Variants in C5orf24 observed in about 807,000 individuals in gnomAD.
C5orf24 encodes chromosome 5 open reading frame 24, also known as UPF0461 protein C5orf24.
C5orf24 carries 4 observed loss-of-function variants against 9.8 expected under a neutral mutation model. The observed-to-expected ratio is 0.41, with a 90% CI of 0.20 to 0.93. The LOEUF (loss-of-function observed/expected upper bound fraction) is 0.93, where lower values mean the gene tolerates loss of function less well. Ranked by LOEUF, C5orf24 falls within the 40% of genes least tolerant of loss-of-function variation. The probability of loss-of-function intolerance (pLI) is 0.33; values close to 1 mark genes in which losing one functional copy is unlikely to be tolerated. For missense variants in C5orf24, 170 were observed against 236.9 expected (o/e 0.72, Z 1.85); for synonymous variants, 73 against 81.3 (o/e 0.90, Z 0.55).
At chr5:134,846,443 G>A (rs1003602050) in intron 1 of C5orf24, 2 of 152,352 alleles carry the variant, frequency 1.3e-5, no homozygotes, top group Non-Finnish European at 2.9e-5. Context: ...TCTTTGAGAG[G>A]TCAGAATCCG....
At chr5:134,839,253 C>A in the C5orf24 span, among the ~76,000 whole-genome samples, 1 of 151,986 alleles carries the variant, frequency 6.6e-6, no homozygotes, top group African/African-American at 2.4e-5. Flanking sequence ...ATCAGACCCA[C>A]CATTCTTGTT....
intron 1 of C5orf24, among the ~76,000 whole-genome samples, chr5:134,848,399 G>A (rs1447737156): frequency 4.6e-5 from 7 of 151,956 alleles, no homozygotes; most frequent in African/African-American, 1.7e-4. Context: ...GCTCACGCCT[G>A]TAATCCCGGC....
the C5orf24 span, among the ~76,000 whole-genome samples, chr5:134,840,048 C>T: frequency 1.3e-5 from 2 of 151,808 alleles, no homozygotes; most frequent in Admixed American, 1.3e-4. Flanking sequence ...GTGGCTCACT[C>T]CTGTAATCCC....
chr5:134,853,683 C>T (rs1756229420), intron 1 of C5orf24, among the ~76,000 whole-genome samples: 2 of 151,942 alleles, frequency 1.3e-5, no homozygotes. Context: ...TTTAATAAGT[C>T]ACAGGGCTTG....
the C5orf24 span, among the ~76,000 whole-genome samples, chr5:134,836,104 A>G: frequency 1.3e-5 from 2 of 150,184 alleles, no homozygotes; most frequent in Non-Finnish European, 3.0e-5. Context: ...AAAATAACTT[A>G]GTGAGAAGCC....
chr5:134,856,200 T>C lies in C5orf24; in HGVS notation c.*733T>C. The C allele has an allele frequency of 3.0e-6, 3 of 994,910 alleles. No individual in the cohort carries two copies. The highest frequency in any genetic ancestry group is 3.6e-6 in the Non-Finnish European group (3 of 825,096). The allele number at this position is 994,910 out of a possible 1,614,324, so 61.6% of individuals were successfully genotyped here. On this transcript the variant is annotated 3_prime_UTR_variant, in exon 2 of 2. Coordinates refer to ENST00000394976, the MANE Select transcript of C5orf24 (RefSeq NM_001135586.1). ...TATTTACAGAAAATTTAAACTATTT[T>C]ATAAAAACTGCACATTACATTTTTG... is the stretch of plus-strand genomic sequence containing the variant.
At chr5:134,848,284 C>G (rs1327635594) in intron 1 of C5orf24, among the ~76,000 whole-genome samples, 1 of 151,968 alleles carries the variant, frequency 6.6e-6, no homozygotes, top group Non-Finnish European at 1.5e-5. Flanking sequence ...GTTCTCCAGC[C>G]TGGGCGACAG....
At chr5:134,847,848 C>T (rs556422286) in intron 1 of C5orf24, among the ~76,000 whole-genome samples, 3 of 152,134 alleles carry the variant, frequency 2.0e-5, no homozygotes, top group South Asian at 2.1e-4. Context: ...TACAGGCACC[C>T]GCCACCATGC....
chr5:134,851,865 G>A (rs7702685), intron 1 of C5orf24, among the ~76,000 whole-genome samples: 8,796 of 152,280 alleles, frequency 0.058, 519 homozygotes, highest in African/African-American at 0.16. Flanking sequence ...CCAATACTAT[G>A]TTTGGAACTC....
At chr5:134,846,468 C>T (rs1755999167) in intron 1 of C5orf24, 1 of 152,234 alleles carries the variant, frequency 6.6e-6, no homozygotes, top group Non-Finnish European at 1.5e-5. Context: ...CCGCCCTTCG[C>T]CTTTAAATAA....
In C5orf24 at chr5:134,857,655, C is replaced by T. The variant is rs569364389; in HGVS notation, c.*2188C>T. 9.6e-5 allele frequency: 35 copies of T among 364,098 alleles called. No homozygotes were observed. The South Asian group carries it at 1.8e-3, about 18-fold the overall frequency. 22.6% of individuals were successfully genotyped at this position (364,098 alleles called of 1,614,324 possible). On this transcript the variant is annotated 3_prime_UTR_variant, in exon 2 of 2. Coordinates refer to ENST00000394976, the MANE Select transcript of C5orf24 (RefSeq NM_001135586.1). Reference sequence around the variant, plus strand: ...AGAACAGTATAACTTCTGACACACACAAATGCTTGCCTCTTTATTCATATG... The same window carrying T: ...AGAACAGTATAACTTCTGACACACATAAATGCTTGCCTCTTTATTCATATG...
intron 1 of C5orf24, among the ~76,000 whole-genome samples, chr5:134,849,458 A>G (rs1314537568): frequency 1.3e-5 from 2 of 152,124 alleles, no homozygotes; most frequent in Non-Finnish European, 2.9e-5. Flanking sequence ...TGAAAATAGG[A>G]AAGGATTGGT....
At chr5:134,842,067 G>A (rs1001789264), upstream of C5orf24, among the ~76,000 whole-genome samples, 4 of 152,152 alleles carry the variant, frequency 2.6e-5, no homozygotes, top group African/African-American at 9.7e-5. Flanking sequence ...GCTGCCTAGA[G>A]TGGTAGCAAA....
Position 134,857,101 on chromosome 5 carries a change from C to T in C5orf24, c.*1634C>T. 1 of 1,187,976 alleles carries T rather than the reference C, an allele frequency of 8.4e-7. No individual in the cohort carries two copies. Among genetic ancestry groups the T allele is most frequent in the East Asian group, 4.2e-5 (1 of 23,680 alleles). 73.6% of individuals were successfully genotyped at this position (1,187,976 alleles called of 1,614,324 possible). The stretch of plus-strand genomic sequence containing the variant: ...TTTCTGAAAGTAATACTTCTTGTTA[C>T]ACATTTTATTTATTGAGTTTGTTCT... On this transcript the variant is annotated 3_prime_UTR_variant, in exon 2 of 2. Coordinates refer to ENST00000394976, the MANE Select transcript of C5orf24 (RefSeq NM_001135586.1).
chr5:134,836,974 G>GT, the C5orf24 span, among the ~76,000 whole-genome samples: 1 of 151,560 alleles, frequency 6.6e-6, no homozygotes, highest in Non-Finnish European at 1.5e-5. Context: ...TGCTTTATCT[G>GT]TTTTTTCTTT....
chr5:134,842,795 C>T (rs188656436), upstream of C5orf24, among the ~76,000 whole-genome samples: 9 of 152,260 alleles, frequency 5.9e-5, no homozygotes, highest in East Asian at 1.7e-3. Context: ...TCCAACCCTT[C>T]CTGGAGCATT....
the C5orf24 span, among the ~76,000 whole-genome samples, chr5:134,839,236 TA>T: frequency 1.3e-5 from 2 of 151,976 alleles, no homozygotes; most frequent in Admixed American, 6.6e-5. Context: ...GTTAATTTTC[TA>T]AAAACATCAG....
the C5orf24 span, among the ~76,000 whole-genome samples, chr5:134,836,068 A>G: frequency 9.2e-5 from 14 of 151,968 alleles, no homozygotes; most frequent in Non-Finnish European, 4.4e-5. Context: ...AAATATTTTT[A>G]AATGAAAGAT....
chr5:134,847,667 A>G (rs1756032658), intron 1 of C5orf24, among the ~76,000 whole-genome samples: 1 of 150,288 alleles, frequency 6.7e-6, no homozygotes, highest in African/African-American at 2.5e-5. Flanking sequence ...CTTGGCTTCT[A>G]TTCAGTCCAC....
Sources: allele counts gnomAD v4.1 joint callset (sites outside exome capture counted in the v4.1 genomes callset), GRCh38; gene constraint gnomAD v4.1.1; transcripts MANE v1.5; gene names NCBI Gene and HGNC (gene_info 2026-07-23, HGNC 2026-07-21).